Variants in FGF14 observed in about 807,000 individuals in gnomAD.
The protein encoded by FGF14 is fibroblast growth factor homologous factor 4.
FGF14 carries 5 observed loss-of-function variants against 25.5 expected under a neutral mutation model. That is an observed-to-expected ratio of 0.20 (90% CI 0.10 to 0.41). The LOEUF is 0.41. FGF14 is among the 10% of genes least tolerant of loss of function. The probability of loss-of-function intolerance (pLI) is 1.00; values close to 1 mark genes in which losing one functional copy is unlikely to be tolerated. For synonymous variants in FGF14, 138 were observed against 118.3 expected, an observed-to-expected ratio of 1.17 and a Z score of -1.08; for missense variants, 222 against 320.1, an observed-to-expected ratio of 0.69 and a Z score of 2.34.
intron 1 of FGF14, among the ~76,000 whole-genome samples, chr13:102,145,550 T>C (rs577587424): frequency 3.9e-5 from 6 of 152,352 alleles, no homozygotes; most frequent in Non-Finnish European, 5.9e-5. Context: ...TACTGACTTA[T>C]GTTAAATCAT....
intron 3 of FGF14, among the ~76,000 whole-genome samples, chr13:101,761,451 C>T (rs1485561506): frequency 1.3e-5 from 2 of 152,114 alleles, no homozygotes; most frequent in East Asian, 3.9e-4. Flanking sequence ...GGGGAAAGTT[C>T]AAAACTTGGA....
chr13:102,030,363 C>A (rs1256619230), intron 1 of FGF14, among the ~76,000 whole-genome samples: 1 of 151,942 alleles, frequency 6.6e-6, no homozygotes, highest in African/African-American at 2.4e-5. Context: ...AGGGACCCCA[C>A]GGGGTCAGTT....
intron 1 of FGF14, among the ~76,000 whole-genome samples, chr13:102,271,329 T>C (rs1030757692): frequency 2.6e-5 from 4 of 152,158 alleles, no homozygotes; most frequent in African/African-American, 9.7e-5. Flanking sequence ...CTCATTCTTC[T>C]CTTCACCATT....
At chr13:101,894,492 G>C (rs1012010025) in intron 1 of FGF14, among the ~76,000 whole-genome samples, 1 of 152,138 alleles carries the variant, frequency 6.6e-6, no homozygotes, top group African/African-American at 2.4e-5. Context: ...CAAAGAAGCA[G>C]TCTCAGAAAC....
intron 3 of FGF14, among the ~76,000 whole-genome samples, chr13:101,759,138 G>C (rs189248957): frequency 6.6e-6 from 1 of 152,288 alleles, no homozygotes; most frequent in African/African-American, 2.4e-5. Context: ...AACACACGTT[G>C]ATTTGGGTAG....
At position 102,321,293 on chromosome 13, in the gene FGF14, G is replaced by A. The variant is rs16951749; in HGVS notation, c.208+80178C>T. 8.7e-3 allele frequency among the ~76,000 whole-genome samples: 1,322 copies of A among 152,108 alleles called. 22 individuals are homozygous for A. The highest frequency in any genetic ancestry group is 0.03 in the African/African-American group (1,232 of 41,478). On this transcript the variant is annotated intron_variant, in intron 1 of 4. Transcript: ENST00000376131. ...GACTGTTTTAATTTCCATGGTAGTC[G>A]ATAAATAATATGGTATGGCATTTTG...
chr13:102,194,067 G>C (rs2049239011), intron 1 of FGF14, among the ~76,000 whole-genome samples: 1 of 152,088 alleles, frequency 6.6e-6, no homozygotes, highest in East Asian at 1.9e-4. Context: ...TGATATATCA[G>C]CAAATAGATA....
intron 3 of FGF14, among the ~76,000 whole-genome samples, chr13:101,768,318 G>A (rs2038539322): frequency 6.6e-6 from 1 of 152,042 alleles, no homozygotes; most frequent in Non-Finnish European, 1.5e-5. Context: ...AAAAATCAAA[G>A]AAGAACCAAA....
At chr13:102,306,163 G>A (rs1255239244) in intron 1 of FGF14, among the ~76,000 whole-genome samples, 1 of 152,094 alleles carries the variant, frequency 6.6e-6, no homozygotes, top group African/African-American at 2.4e-5. Context: ...TTTGCATCCT[G>A]GTTTTGGCCA....
At chr13:102,098,308 A>C (rs2044502505) in intron 1 of FGF14, among the ~76,000 whole-genome samples, 1 of 152,266 alleles carries the variant, frequency 6.6e-6, no homozygotes, top group African/African-American at 2.4e-5. Flanking sequence ...ATTTATAATC[A>C]GAATGATGAT....
At chr13:101,804,531 A>T (rs990933696) in intron 3 of FGF14, among the ~76,000 whole-genome samples, 21 of 152,174 alleles carry the variant, frequency 1.4e-4, no homozygotes, top group Admixed American at 1.3e-4. Flanking sequence ...AGGTAGATGA[A>T]AAACCTACTT....
chr13:102,201,288 G>C (rs1394917801), intron 1 of FGF14, among the ~76,000 whole-genome samples: 1 of 151,886 alleles, frequency 6.6e-6, no homozygotes, highest in African/African-American at 2.4e-5. Context: ...AACATGACAA[G>C]TAAAGACAAC....
chr13:102,009,595 C>T (rs1594975450), intron 1 of FGF14, among the ~76,000 whole-genome samples: 2 of 151,932 alleles, frequency 1.3e-5, no homozygotes, highest in South Asian at 2.1e-4. Flanking sequence ...AAAAAGTCTA[C>T]ACCAATTTAA....
intron 1 of FGF14, among the ~76,000 whole-genome samples, chr13:102,393,402 A>AT (rs1162792620): frequency 6.6e-6 from 1 of 152,232 alleles, no homozygotes; most frequent in African/African-American, 2.4e-5. Context: ...TGAAAAAGTG[A>AT]TAAAAAGCAC....
intron 1 of FGF14, among the ~76,000 whole-genome samples, chr13:102,060,112 G>A (rs552096412): frequency 6.6e-6 from 1 of 151,890 alleles, no homozygotes; most frequent in African/African-American, 2.4e-5. Context: ...TTGGATTTGT[G>A]GATCACAGAT....
chr13:102,359,308 T>C (rs549340372), intron 1 of FGF14, among the ~76,000 whole-genome samples: 1 of 152,210 alleles, frequency 6.6e-6, no homozygotes, highest in Non-Finnish European at 1.5e-5. Flanking sequence ...CCTGCACATG[T>C]ATCCAAGAAC....
At chr13:102,393,942 A>G (rs2058497626) in intron 1 of FGF14, 1 of 152,268 alleles carries the variant, frequency 6.6e-6, no homozygotes, top group South Asian at 2.1e-4. Context: ...CGGGAGAGAT[A>G]CAGGGAAGGG....
intron 1 of FGF14, among the ~76,000 whole-genome samples, chr13:102,364,736 A>T (rs1348994032): frequency 6.6e-6 from 1 of 152,188 alleles, no homozygotes; most frequent in Non-Finnish European, 1.5e-5. Context: ...CATCCACAGC[A>T]CCGCAGCCAG....
At chr13:101,971,215 T>A (rs1457221878) in intron 1 of FGF14, among the ~76,000 whole-genome samples, 1 of 152,190 alleles carries the variant, frequency 6.6e-6, no homozygotes, top group Admixed American at 6.5e-5. Flanking sequence ...TATGCAAAAT[T>A]AAGTTTTAAT....
Sources: gnomAD v4.1 joint callset for allele counts (sites outside exome capture counted in the v4.1 genomes callset) on GRCh38, gnomAD v4.1.1 for gene constraint, MANE v1.5 for transcripts, NCBI Gene and HGNC (gene_info 2026-07-23, HGNC 2026-07-21) for gene names.